TCF20: variants seen among roughly 807,000 people sequenced by gnomAD.
The protein encoded by TCF20 is transcription factor 20.
TCF20 carries 3 observed loss-of-function variants against 148.6 expected under a neutral mutation model. The observed-to-expected ratio is 0.02, with a 90% CI of 0.01 to 0.05. The LOEUF (loss-of-function observed/expected upper bound fraction) is 0.05. TCF20 is among the 10% of genes least tolerant of loss of function. The pLI, the probability that TCF20 is intolerant of heterozygous loss-of-function variation, is 1.00. For missense variants in TCF20, 2,350 were observed against 2,429.3 expected (o/e 0.97, Z 0.69); for synonymous variants, 1,049 against 909.5 (o/e 1.15, Z -2.76).
intron 1 of TCF20, among the ~76,000 whole-genome samples, chr22:42,336,165 C>T (rs1034005440): frequency 3.3e-5 from 5 of 152,172 alleles, no homozygotes; most frequent in East Asian, 1.9e-4. Context: ...ATCACTTACA[C>T]GCTCCAGCCG....
Position 42,247,878 on chromosome 22 carries a change from C to T in TCF20, c.-37+22461G>A, listed in dbSNP as rs12158988. Reference sequence around the variant, plus strand: ...TCTTCAAGACACCTCTCTTCAATTTCCTCACTTAAAATCACTAACTAGAAA... The same window carrying T: ...TCTTCAAGACACCTCTCTTCAATTTTCTCACTTAAAATCACTAACTAGAAA... On this transcript the variant is annotated intron_variant, in intron 1 of 5. Transcript: ENST00000677622. Among the ~76,000 whole-genome samples the T allele has an allele frequency of 4.2e-3, 644 of 152,256 alleles. 3 individuals carry two copies. Among genetic ancestry groups the T allele is most frequent in the African/African-American group, 0.014 (562 of 41,546 alleles).
chr22:42,304,216 A>C (rs8135132), intron 1 of TCF20, among the ~76,000 whole-genome samples: 100,574 of 152,124 alleles, frequency 0.66, 33,900 homozygotes, highest in African/African-American at 0.79. Context: ...ATACAGCCAG[A>C]AGCACCCCCG....
upstream of TCF20, chr22:42,275,002 G>A (rs1285781899): frequency 6.6e-6 from 1 of 152,216 alleles, no homozygotes; most frequent in Non-Finnish European, 1.5e-5. Flanking sequence ...GGCCACTGAG[G>A]TGCAAAGAGT....
At chr22:42,179,583 G>T (rs543445372) in intron 3 of TCF20, 26 bp downstream of exon 3, 4 of 1,543,390 alleles carry the variant, frequency 2.6e-6, no homozygotes, top group African/African-American at 1.4e-5. Flanking sequence ...GGATGCTCTG[G>T]ACAAGGGTCT....
At chr22:42,162,162 G>A (rs140396821) in intron 5 of TCF20, among the ~76,000 whole-genome samples, 158 of 151,892 alleles carry the variant, frequency 1.0e-3, no homozygotes, top group African/African-American at 3.7e-3. Flanking sequence ...TGTATTTTTA[G>A]GAGAGATGTG....
At chr22:42,321,946 TAA>T (rs201888819) in intron 1 of TCF20, among the ~76,000 whole-genome samples, 2 of 138,482 alleles carry the variant, frequency 1.4e-5, no homozygotes, top group African/African-American at 2.6e-5. Context: ...GACTCCATCT[TAA>T]AAAAAAAAAA....
chr22:42,338,751 G>T lies in TCF20; in HGVS notation c.-37+4728C>A, dbSNP rs371835218. Among the ~76,000 whole-genome samples the T allele has an allele frequency of 6.6e-6, 1 of 152,190 alleles. No homozygotes were observed. The highest frequency in any genetic ancestry group is 6.5e-5 in the Admixed American group (1 of 15,276). ...CTCTTCATCATCTGCCTCTCAACAC[G>T]TGACTTTCAAAGGGCAATCTTAATA... On this transcript the variant is annotated intron_variant, in intron 1 of 1. Coordinates refer to the TCF20 transcript ENST00000515426. This position sits in a 1 kb window ranked among gnomAD's most constrained non-coding sequence, Gnocchi z 4.0.
Position 42,168,646 on chromosome 22 carries a change from G to C in TCF20, c.*7C>G. 6.3e-7 allele frequency: 1 copy of C among 1,598,278 alleles called. No individual in the cohort carries two copies. Reference sequence around the variant, plus strand: ...TCCTTTCCATTCCCACGAGCACACTGCCCCCCTCACCCCCGCTCCGACTGC... The same window carrying C: ...TCCTTTCCATTCCCACGAGCACACTCCCCCCCTCACCCCCGCTCCGACTGC... On this transcript the variant is annotated 3_prime_UTR_variant, in exon 5 of 6. Coordinates refer to ENST00000677622, the MANE Select transcript of TCF20 (RefSeq NM_001378418.1).
At chr22:42,194,508 C>A (rs1318518075) in intron 2 of TCF20, among the ~76,000 whole-genome samples, 1 of 151,754 alleles carries the variant, frequency 6.6e-6, no homozygotes, top group Non-Finnish European at 1.5e-5. Flanking sequence ...TATCCCTGTC[C>A]TGATGTACCC....
Position 42,213,486 on chromosome 22 carries a change from A to G in TCF20, c.1820T>C (p.Ile607Thr), listed in dbSNP as rs1443308941. Reference sequence around the variant, plus strand: ...ACCTGTCATGGCTTCCCGGGAGACAATCACCCCAACAGTCTTCTCATTAAC... The same window carrying G: ...ACCTGTCATGGCTTCCCGGGAGACAGTCACCCCAACAGTCTTCTCATTAAC... The part of the protein sequence containing the change: ...PKVNEKTVGV[I>T]VSREAMTGRV... Residue 607 changes from isoleucine (I) to threonine (T), a missense_variant, in exon 2 of 6, where the codon ATT becomes ACT. Physicochemically the swap from Ile to Thr is moderately conservative, Grantham distance 89. Transcript: ENST00000677622. 2 of 1,613,994 alleles carry G rather than the reference A, an allele frequency of 1.2e-6. No individual in the cohort carries two copies. Among genetic ancestry groups the G allele is most frequent in the Non-Finnish European group, 1.7e-6 (2 of 1,180,036 alleles).
chr22:42,279,505 G>A lies in TCF20; in HGVS notation c.-37+4322C>T, dbSNP rs5758694. ...ATAAAATAAAATAAGGAAGGACAGAGGGCAATGTGACCTTCGGCAAGCTCC... is the reference window on the plus strand; with the variant it reads ...ATAAAATAAAATAAGGAAGGACAGAAGGCAATGTGACCTTCGGCAAGCTCC... On this transcript the variant is annotated intron_variant, in intron 1 of 5. Transcript: ENST00000359486. The surrounding 1 kb of genome is among the most constrained non-coding windows in gnomAD (Gnocchi z 4.3). Among the ~76,000 whole-genome samples, 1 of 152,158 alleles carries A rather than the reference G, an allele frequency of 6.6e-6. No individual in the cohort carries two copies. The highest frequency in any genetic ancestry group is 1.5e-5 in the Non-Finnish European group (1 of 68,032).
At chr22:42,264,694 T>C (rs1284679959) in intron 1 of TCF20, among the ~76,000 whole-genome samples, 5 of 152,220 alleles carry the variant, frequency 3.3e-5, no homozygotes. Context: ...TAACATCCCC[T>C]GAGTTATTTC....
chr22:42,232,001 T>C (rs772279903), intron 1 of TCF20, among the ~76,000 whole-genome samples: 5 of 151,518 alleles, frequency 3.3e-5, no homozygotes, highest in Non-Finnish European at 7.4e-5. Flanking sequence ...AAAAAATAAA[T>C]TTAGTGTAGT....
At chr22:42,275,807 A>G (rs1233105498) in intron 1 of TCF20, among the ~76,000 whole-genome samples, 1 of 152,214 alleles carries the variant, frequency 6.6e-6, no homozygotes, top group Non-Finnish European at 1.5e-5. Flanking sequence ...CACTACAAAG[A>G]GTTAACCTGA....
intron 1 of TCF20, among the ~76,000 whole-genome samples, chr22:42,253,035 T>C (rs1175397840): frequency 6.6e-6 from 1 of 152,074 alleles, no homozygotes. Context: ...TACTGGTTTA[T>C]AAAACTAAGG....
At chr22:42,315,823 T>A (rs550841691) in intron 1 of TCF20, among the ~76,000 whole-genome samples, 3 of 152,078 alleles carry the variant, frequency 2.0e-5, no homozygotes, top group South Asian at 2.1e-4. Context: ...AGTAAAGATA[T>A]AAAGACAAGG....
chr22:42,220,338 A>T (rs572202945), intron 1 of TCF20, among the ~76,000 whole-genome samples: 1 of 152,070 alleles, frequency 6.6e-6, no homozygotes, highest in Non-Finnish European at 1.5e-5. Context: ...AATTTTTAAA[A>T]AATAATTGGG....
Position 42,213,260 on chromosome 22 carries a change from C to A in TCF20, c.2046G>T (p.Gln682His). The A allele has an allele frequency of 6.2e-7, 1 of 1,614,190 alleles. No individual in the cohort carries two copies. The highest frequency in any genetic ancestry group is 1.3e-5 in the African/African-American group (1 of 75,046). The change falls in exon 2 of 6, where the codon CAG becomes CAT. Residue 682 changes from glutamine to histidine, a missense_variant. This residue lies in a region of TCF20 where 1,641 missense variants were observed against 1,662.6 expected (regional missense o/e 0.99). Transcript: ENST00000677622. ...CAGGGCCCGCTGCAGAGTGGCCACT[C>A]TGGCCATTTCCTTCTCCATTATGGT... ...NSNHNGEGNGQSGHSAAGPGF... is the reference protein window; with the variant it reads ...NSNHNGEGNGHSGHSAAGPGF...
intron 1 of TCF20, among the ~76,000 whole-genome samples, chr22:42,251,867 C>T (rs1341443771): frequency 6.6e-6 from 1 of 151,746 alleles, no homozygotes; most frequent in East Asian, 1.9e-4. Flanking sequence ...GTTTGGATTT[C>T]GATATTTTGG....
Sources: gnomAD v4.1 joint callset for allele counts (sites outside exome capture counted in the v4.1 genomes callset) on GRCh38, gnomAD v4.1.1 for gene constraint, gnomAD v4.1.1 regional missense constraint, Gnocchi (gnomAD v3.1) non-coding constraint, MANE v1.5 for transcripts, NCBI Gene and HGNC (gene_info 2026-07-23, HGNC 2026-07-21) for gene names.